The following RAB3C variants were observed in gnomAD, a reference collection of about 807,000 sequenced individuals.
The protein encoded by RAB3C is ras-related protein Rab-3C.
In RAB3C, 17 loss-of-function variants were observed where a neutral mutation model predicts 26.4. The ratio of observed to expected loss-of-function variants is 0.64; its 90% confidence interval spans 0.44 to 0.97. The LOEUF (loss-of-function observed/expected upper bound fraction) is 0.97. Ranked by LOEUF, RAB3C falls within the 50% of genes least tolerant of loss-of-function variation. The probability of loss-of-function intolerance (pLI) is 0.00; values close to 1 mark genes in which losing one functional copy is unlikely to be tolerated. For missense variants in RAB3C, 242 were observed against 281.9 expected (o/e 0.86, Z 1.01); for synonymous variants, 91 against 95.9 (o/e 0.95, Z 0.30).
intron 2 of RAB3C, among the ~76,000 whole-genome samples, chr5:58,639,896 T>C (rs1747377382): frequency 6.6e-6 from 1 of 152,232 alleles, no homozygotes; most frequent in South Asian, 2.1e-4. Context: ...TATTTTATAA[T>C]TGTAAAGATG....
At chr5:58,786,042 T>A (rs569421153) in intron 3 of RAB3C, among the ~76,000 whole-genome samples, 1 of 151,464 alleles carries the variant, frequency 6.6e-6, no homozygotes, top group South Asian at 2.1e-4. Context: ...GACACACTGA[T>A]GTTTGCCCAG....
intron 1 of RAB3C, among the ~76,000 whole-genome samples, chr5:58,594,050 A>G (rs1381431580): frequency 6.6e-6 from 1 of 152,170 alleles, no homozygotes; most frequent in South Asian, 2.1e-4. Context: ...TAACGGTAAG[A>G]GGTAAGGTCA....
chr5:58,618,814 C>CTG (rs1746876718), intron 2 of RAB3C, among the ~76,000 whole-genome samples: 1 of 152,090 alleles, frequency 6.6e-6, no homozygotes, highest in East Asian at 1.9e-4. Flanking sequence ...TTGATTTGAT[C>CTG]TGTAATCAGG....
At chr5:58,747,074 C>T (rs1468304497) in intron 3 of RAB3C, among the ~76,000 whole-genome samples, 2 of 152,178 alleles carry the variant, frequency 1.3e-5, no homozygotes, top group Non-Finnish European at 2.9e-5. Flanking sequence ...ATACAGACAG[C>T]TTTTACTGAT....
intron 3 of RAB3C, among the ~76,000 whole-genome samples, chr5:58,777,919 T>A (rs551082020): frequency 6.6e-6 from 1 of 152,096 alleles, no homozygotes; most frequent in Non-Finnish European, 1.5e-5. Context: ...GCAAAGGACA[T>A]GAACTCATCC....
intron 3 of RAB3C, among the ~76,000 whole-genome samples, chr5:58,770,180 G>A (rs1742003520): frequency 6.6e-6 from 1 of 152,168 alleles, no homozygotes; most frequent in Non-Finnish European, 1.5e-5. Flanking sequence ...GCTCAGTGAT[G>A]TTGCAGTACA....
intron 3 of RAB3C, among the ~76,000 whole-genome samples, chr5:58,777,636 T>G (rs1431864242): frequency 6.6e-6 from 1 of 151,200 alleles, no homozygotes; most frequent in African/African-American, 2.4e-5. Context: ...AGGGTACATG[T>G]GCACAACGTG....
At chr5:58,663,223 G>T (rs949525665) in intron 2 of RAB3C, among the ~76,000 whole-genome samples, 1 of 149,560 alleles carries the variant, frequency 6.7e-6, no homozygotes, top group African/African-American at 2.6e-5. Flanking sequence ...ATGGTTTAGA[G>T]AATTAAAATA....
chr5:58,699,172 T>C (rs1358920567), intron 2 of RAB3C, among the ~76,000 whole-genome samples: 1 of 152,220 alleles, frequency 6.6e-6, no homozygotes, highest in South Asian at 2.1e-4. Context: ...GTTTTCCTTA[T>C]AACAGTCAGG....
At chr5:58,816,037 C>A (rs780502675) in intron 3 of RAB3C, among the ~76,000 whole-genome samples, 1 of 152,148 alleles carries the variant, frequency 6.6e-6, no homozygotes, top group Non-Finnish European at 1.5e-5. Flanking sequence ...TACCCATAAA[C>A]TGGCTCTTTG....
intron 2 of RAB3C, among the ~76,000 whole-genome samples, chr5:58,642,077 G>C (rs1375149393): frequency 6.6e-6 from 1 of 152,142 alleles, no homozygotes; most frequent in Non-Finnish European, 1.5e-5. Flanking sequence ...ACCTTGTCTA[G>C]CCTAACTTCC....
chr5:58,646,143 T>C (rs1747512845), intron 2 of RAB3C, among the ~76,000 whole-genome samples: 1 of 152,174 alleles, frequency 6.6e-6, no homozygotes, highest in Admixed American at 6.5e-5. Flanking sequence ...CTTTGAGTGC[T>C]AGGAAGCCTC....
intron 3 of RAB3C, among the ~76,000 whole-genome samples, chr5:58,821,759 T>A (rs1245352618): frequency 6.6e-6 from 1 of 152,332 alleles, no homozygotes; most frequent in African/African-American, 2.4e-5. Context: ...CAGGGGAATA[T>A]GCTGAAATAA....
At chr5:58,665,567 T>C (rs972241783) in intron 2 of RAB3C, among the ~76,000 whole-genome samples, 2 of 152,150 alleles carry the variant, frequency 1.3e-5, no homozygotes, top group Non-Finnish European at 2.9e-5. Flanking sequence ...CAGATTGAAG[T>C]AGTACAATAA....
At chr5:58,665,168 G>A (rs34627316) in intron 2 of RAB3C, among the ~76,000 whole-genome samples, 4,507 of 152,080 alleles carry the variant, frequency 0.03, 124 homozygotes, top group Non-Finnish European at 0.043. Flanking sequence ...AAAATAAGTC[G>A]GAAAAGTATT....
chr5:58,633,475 G>C (rs1747228258), intron 2 of RAB3C, among the ~76,000 whole-genome samples: 1 of 152,122 alleles, frequency 6.6e-6, no homozygotes, highest in Non-Finnish European at 1.5e-5. Context: ...GTGTGATAAG[G>C]ATTCATTAGT....
chr5:58,657,728 A>T (rs1375738171), intron 2 of RAB3C, among the ~76,000 whole-genome samples: 1 of 152,184 alleles, frequency 6.6e-6, no homozygotes, highest in Non-Finnish European at 1.5e-5. Context: ...GGAGGATTTC[A>T]AGGAGAAGAG....
intron 2 of RAB3C, among the ~76,000 whole-genome samples, chr5:58,667,256 C>T (rs554435432): frequency 2.6e-5 from 4 of 152,298 alleles, no homozygotes; most frequent in African/African-American, 7.2e-5. Context: ...CATAGATCTG[C>T]ATGACAGAGT....
rs1268617832 is a variant in RAB3C, at chr5:58,591,914, T to C, written c.24+8682T>C. On this transcript the variant is annotated intron_variant, in intron 1 of 4. Transcript: ENST00000282878. ...TCTTTTTCTATTTTTTTTTTTTTTT[T>C]CGAGATGGAGTTTTGCACTTGTTGC... Among the ~76,000 whole-genome samples the C allele has an allele frequency of 1.0e-3, 125 of 120,140 alleles. 4 individuals carry two copies. The East Asian group carries it at 0.024, about 23-fold the overall frequency. 78.8% of individuals were successfully genotyped at this position (120,140 alleles called of 152,430 possible). A position where few individuals can be genotyped will look rare whatever the true frequency, so the allele number is the denominator to read the frequency against.
Sources: gnomAD v4.1 joint callset for allele counts (sites outside exome capture counted in the v4.1 genomes callset) on GRCh38, gnomAD v4.1.1 for gene constraint, MANE v1.5 for transcripts, NCBI Gene and HGNC (gene_info 2026-07-23, HGNC 2026-07-21) for gene names.